Variants in IL34 observed in about 807,000 individuals in gnomAD.
The protein encoded by IL34 is interleukin-34.
In IL34, 17 loss-of-function variants were observed where a neutral mutation model predicts 25.3. That is an observed-to-expected ratio of 0.67 (90% CI 0.46 to 1.01). The LOEUF (loss-of-function observed/expected upper bound fraction) is 1.01. Ranked by LOEUF, IL34 falls within the 50% of genes least tolerant of loss-of-function variation. IL34 has a pLI of 0.00. For synonymous variants in IL34, 174 were observed against 140.9 expected (o/e 1.23, Z -1.66); for missense variants, 368 against 312.9 (o/e 1.18, Z -1.33).
chr16:70,583,141 C>T (rs986532520), intron 1 of IL34, among the ~76,000 whole-genome samples: 2 of 152,068 alleles, frequency 1.3e-5, no homozygotes, highest in Non-Finnish European at 2.9e-5. Context: ...GAGACGGAGT[C>T]TTGCTCTGTC....
At chr16:70,602,343 A>G (rs923477209) in intron 1 of IL34, among the ~76,000 whole-genome samples, 1 of 152,156 alleles carries the variant, frequency 6.6e-6, no homozygotes, top group African/African-American at 2.4e-5. Flanking sequence ...AAAAGTTGCC[A>G]AACTTTCTGA....
chr16:70,628,590 G>A (rs1232424206), intron 1 of IL34, among the ~76,000 whole-genome samples: 5 of 151,546 alleles, frequency 3.3e-5, no homozygotes, highest in Admixed American at 2.6e-4. Context: ...GGGTTCAAGC[G>A]ATTCTCCTAC....
rs537721163 is a variant in IL34 at position 70,628,785 on chromosome 16, TC to T, written c.-400-17762del. On this transcript the variant is annotated intron_variant, in intron 1 of 6. Transcript: ENST00000429149. The stretch of plus-strand genomic sequence containing the variant: ...TACAGGCATGAGCCATCACACCTGG[TC>T]TTTTTTTTTTTTTTTTTTTTGAGAC... Among the ~76,000 whole-genome samples the T allele has an allele frequency of 4.3e-3, 571 of 134,014 alleles. 2 individuals carry two copies. The highest frequency in any genetic ancestry group is 6.7e-3 in the Non-Finnish European group (414 of 61,674). The allele number at this position is 134,014 out of a possible 152,430, so 87.9% of individuals were successfully genotyped here.
At chr16:70,581,869 G>A (rs1377262425) in intron 1 of IL34, among the ~76,000 whole-genome samples, 2 of 152,186 alleles carry the variant, frequency 1.3e-5, no homozygotes, top group East Asian at 3.8e-4. Context: ...GATTGCTTGA[G>A]CCTGGGATTT....
chr16:70,656,877 C>T, intron 3 of IL34, 83 bp from the exon 4 acceptor site: 1 of 1,462,952 alleles, frequency 6.8e-7, no homozygotes, highest in Non-Finnish European at 9.4e-7. Context: ...GCTCCCTATG[C>T]AGGGGCAAGT....
rs2051943235 is a variant in IL34 at position 70,646,791 on chromosome 16, G to A, written c.-157G>A. On this transcript the variant is annotated 5_prime_UTR_variant, in exon 1 of 6. Transcript: ENST00000288098. ...GGCAGCTGCTGCCCTTGGGGCACCT[G>A]CTCACTCCCGCAGCCCAGCCACTCC... 10 of 636,788 alleles carry A rather than the reference G, an allele frequency of 1.6e-5. No individual in the cohort carries two copies. The South Asian group carries it at 2.2e-4, about 14-fold the overall frequency. 39.4% of individuals were successfully genotyped at this position (636,788 alleles called of 1,614,324 possible). A position where few individuals can be genotyped will look rare whatever the true frequency, so the allele number is the denominator to read the frequency against.
chr16:70,639,842 G>A (rs576333782), intron 1 of IL34, among the ~76,000 whole-genome samples: 2 of 151,728 alleles, frequency 1.3e-5, no homozygotes, highest in Non-Finnish European at 2.9e-5. Flanking sequence ...CCTGTAGTCC[G>A]AGCTACTCAG....
chr16:70,613,806 G>A (rs1056552640), intron 1 of IL34, among the ~76,000 whole-genome samples: 1 of 150,816 alleles, frequency 6.6e-6, no homozygotes, highest in African/African-American at 2.4e-5. Flanking sequence ...CCTGGGAGGT[G>A]GAGGTTGCAG....
At chr16:70,585,583 G>T (rs1567434262) in intron 1 of IL34, among the ~76,000 whole-genome samples, 1 of 151,910 alleles carries the variant, frequency 6.6e-6, no homozygotes, top group Non-Finnish European at 1.5e-5. Flanking sequence ...TACTCAGGAG[G>T]CTGAGGCAGG....
chr16:70,616,218 G>A (rs966096914), intron 1 of IL34, among the ~76,000 whole-genome samples: 3 of 152,184 alleles, frequency 2.0e-5, no homozygotes, highest in African/African-American at 4.8e-5. Flanking sequence ...TCCCAGAAAC[G>A]GCATTGCTAA....
intron 4 of IL34, among the ~76,000 whole-genome samples, chr16:70,659,007 T>A (rs143673404): frequency 6.6e-6 from 1 of 152,292 alleles, no homozygotes; most frequent in Non-Finnish European, 1.5e-5. Flanking sequence ...GCCCAGGACA[T>A]GTTGCCTTGT....
chr16:70,643,158 G>A (rs1025885491), upstream of IL34, among the ~76,000 whole-genome samples: 1 of 152,116 alleles, frequency 6.6e-6, no homozygotes, highest in Non-Finnish European at 1.5e-5. Context: ...TGCCTCCCGG[G>A]TTCAAGTGAT....
intron 1 of IL34, among the ~76,000 whole-genome samples, chr16:70,621,039 A>G (rs536796776): frequency 2.0e-5 from 3 of 152,242 alleles, no homozygotes; most frequent in African/African-American, 7.2e-5. Context: ...ATTGAGACAC[A>G]GAGATAAGAG....
intron 1 of IL34, among the ~76,000 whole-genome samples, chr16:70,609,070 A>G (rs942232180): frequency 6.6e-6 from 1 of 152,046 alleles, no homozygotes; most frequent in East Asian, 1.9e-4. Context: ...TTTAAAAATT[A>G]TGTTTATTTA....
chr16:70,604,438 T>G (rs1255456715), intron 1 of IL34, among the ~76,000 whole-genome samples: 1 of 152,132 alleles, frequency 6.6e-6, no homozygotes, highest in African/African-American at 2.4e-5. Flanking sequence ...AAGGAAATGA[T>G]TTGCTCTCTA....
chr16:70,659,567 T>C (rs1299842798), intron 4 of IL34, 51 bp from the exon 5 acceptor site: 2 of 1,558,930 alleles, frequency 1.3e-6, no homozygotes, highest in Admixed American at 3.5e-5. Context: ...ACGGCTCTCC[T>C]GGGGTGCGGC....
At chr16:70,610,768 C>A (rs1271522897) in intron 1 of IL34, among the ~76,000 whole-genome samples, 1 of 152,194 alleles carries the variant, frequency 6.6e-6, no homozygotes, top group Non-Finnish European at 1.5e-5. Flanking sequence ...GCAAAGTCCT[C>A]AGGGAGTAGC....
intron 1 of IL34, among the ~76,000 whole-genome samples, chr16:70,609,625 G>A (rs1296639504): frequency 6.6e-6 from 1 of 152,228 alleles, no homozygotes; most frequent in Admixed American, 6.5e-5. Flanking sequence ...TCTCACAGGT[G>A]CCCAGAGACA....
chr16:70,645,136 GAC>G (rs1233566581), upstream of IL34, among the ~76,000 whole-genome samples: 67 of 148,470 alleles, frequency 4.5e-4, no homozygotes, highest in African/African-American at 1.0e-3. Context: ...GAAGGAGGAA[GAC>G]GAGGAAGGAG....
Sources: gnomAD v4.1 joint callset for allele counts (sites outside exome capture counted in the v4.1 genomes callset) on GRCh38, gnomAD v4.1.1 for gene constraint, MANE v1.5 for transcripts, NCBI Gene and HGNC (gene_info 2026-07-23, HGNC 2026-07-21) for gene names.